COL21A1: variants seen among roughly 807,000 people sequenced by gnomAD.
COL21A1 encodes the protein collagen alpha-1(XXI) chain.
In COL21A1, 149 loss-of-function variants were observed where a neutral mutation model predicts 137.9. That is an observed-to-expected ratio of 1.08 (90% CI 0.95 to 1.24). The LOEUF (loss-of-function observed/expected upper bound fraction) is 1.24, where lower values mean the gene tolerates loss of function less well. Ranked by LOEUF, COL21A1 falls within the 50% of genes most tolerant of loss-of-function variation. The pLI is 0.00. For synonymous variants in COL21A1, 456 were observed against 391.5 expected (o/e 1.16, Z -1.95); for missense variants, 1,167 against 1,158.4 (o/e 1.01, Z -0.11).
At chr6:56,098,628 T>TATATATATAA (rs1770047664) in intron 17 of COL21A1, among the ~76,000 whole-genome samples, 1 of 33,140 alleles carries the variant, frequency 3.0e-5, no homozygotes, top group South Asian at 9.0e-4. Context: ...TATATATAAA[T>TATATATATAA]ATATATATAA....
intron 1 of COL21A1, among the ~76,000 whole-genome samples, chr6:56,381,567 C>T (rs1188439505): frequency 6.6e-6 from 1 of 152,222 alleles, no homozygotes; most frequent in Non-Finnish European, 1.5e-5. Flanking sequence ...TGCATGAAAG[C>T]TTTCACTATT....
intron 17 of COL21A1, chr6:56,078,275 T>C (rs76049205): frequency 0.076 from 34,137 of 451,872 alleles, 1,483 homozygotes; most frequent in Admixed American, 0.12. Flanking sequence ...AAGAGTTCTA[T>C]TGTCTGCCTT....
At chr6:56,254,232 A>G (rs1159647698) in intron 1 of COL21A1, among the ~76,000 whole-genome samples, 1 of 152,224 alleles carries the variant, frequency 6.6e-6, no homozygotes, top group African/African-American at 2.4e-5. Flanking sequence ...ATTTCCTATT[A>G]GGCTTCTTCT....
intron 1 of COL21A1, among the ~76,000 whole-genome samples, chr6:56,347,335 C>T (rs935739248): frequency 1.6e-4 from 24 of 151,978 alleles, no homozygotes; most frequent in Non-Finnish European, 5.9e-5. Context: ...ACCCCCTCAC[C>T]GGGATTCAAC....
rs143147705 is a variant in COL21A1 at position 56,377,756 on chromosome 6, T to C, written c.-39+16215A>G. Reference sequence around the variant, plus strand: ...CCAGCTGCGGCAACTAAGAGAGTACTGGAATCACCCTTCTCCTAATTCCAG... The same window carrying C: ...CCAGCTGCGGCAACTAAGAGAGTACCGGAATCACCCTTCTCCTAATTCCAG... On this transcript the variant is annotated intron_variant, in intron 1 of 28. Transcript: ENST00000370819. Among the ~76,000 whole-genome samples, 6 of 152,120 alleles carry C rather than the reference T, an allele frequency of 3.9e-5. 1 individual carries two copies. The East Asian group carries it at 1.2e-3, about 29-fold the overall frequency.
intron 1 of COL21A1, among the ~76,000 whole-genome samples, chr6:56,215,799 A>C (rs1000310830): frequency 6.6e-6 from 1 of 152,112 alleles, no homozygotes; most frequent in African/African-American, 2.4e-5. Context: ...CACGAGTGGA[A>C]AAACAAGTGA....
intron 1 of COL21A1, among the ~76,000 whole-genome samples, chr6:56,336,144 C>G: frequency 6.6e-6 from 1 of 152,194 alleles, no homozygotes; most frequent in Non-Finnish European, 1.5e-5. Flanking sequence ...TCAGCCTCAG[C>G]TGGGGACTTG....
At chr6:56,081,285 C>T (rs1767740762) in intron 17 of COL21A1, among the ~76,000 whole-genome samples, 1 of 150,784 alleles carries the variant, frequency 6.6e-6, no homozygotes, top group African/African-American at 2.4e-5. Context: ...CTTGCCTTTC[C>T]CTACTTGCAT....
intron 1 of COL21A1, among the ~76,000 whole-genome samples, chr6:56,377,933 C>T (rs1289263984): frequency 6.6e-6 from 1 of 152,152 alleles, no homozygotes; most frequent in Admixed American, 6.5e-5. Flanking sequence ...GTTCCAGGCC[C>T]TAGCTCCTGA....
chr6:56,162,820 T>C (rs1277196067), intron 9 of COL21A1, among the ~76,000 whole-genome samples: 2 of 152,240 alleles, frequency 1.3e-5, no homozygotes, highest in Non-Finnish European at 2.9e-5. Context: ...CCAGGTTATA[T>C]TCTCCCAGGA....
intron 18 of COL21A1, among the ~76,000 whole-genome samples, chr6:56,075,999 T>C (rs751984103): frequency 1.3e-5 from 2 of 151,284 alleles, no homozygotes; most frequent in African/African-American, 4.8e-5. Context: ...TGTGAGAGAG[T>C]GCTGGTCTTC....
chr6:56,275,669 A>C (rs1763626296), intron 1 of COL21A1, among the ~76,000 whole-genome samples: 1 of 152,154 alleles, frequency 6.6e-6, no homozygotes, highest in Non-Finnish European at 1.5e-5. Context: ...CTACAGTGAG[A>C]TAGATACCAT....
chr6:56,262,161 A>C, intron 1 of COL21A1, among the ~76,000 whole-genome samples: 1 of 152,166 alleles, frequency 6.6e-6, no homozygotes, highest in South Asian at 2.1e-4. Context: ...TGACATAGTC[A>C]CCATAAATGT....
At position 56,179,922 on chromosome 6, in the gene COL21A1, T is replaced by C. The variant is rs1777771772; in HGVS notation, c.296A>G (p.His99Arg). 1.9e-6 allele frequency: 3 copies of C among 1,613,824 alleles called. No individual in the cohort carries two copies. Among genetic ancestry groups the C allele is most frequent in the Non-Finnish European group, 2.5e-6 (3 of 1,179,876 alleles). Residue 99 changes from histidine to arginine, a missense_variant, in exon 3 of 30, where the codon CAT becomes CGT. Physicochemically the swap from His to Arg is conservative, Grantham distance 29. Transcript: ENST00000244728. The part of the protein sequence containing the change: ...IPLGSYDSGE[H>R]LTAAVESILY... ...TATGGATTCCACTGCTGCCGTCAAA[T>C]GTTCTCCTGAATCATAGCTTCCGAG...
intron 3 of COL21A1, among the ~76,000 whole-genome samples, chr6:56,176,614 A>AAAGAAAGT (rs1777489819): frequency 6.8e-6 from 1 of 146,170 alleles, no homozygotes; most frequent in African/African-American, 2.5e-5. Flanking sequence ...AGAAAGAAAG[A>AAAGAAAGT]AAGAGGAAGG....
chr6:56,164,567 C>A, intron 8 of COL21A1, 61 bp from the exon 9 acceptor site: 2 of 1,191,908 alleles, frequency 1.7e-6, no homozygotes. Context: ...TACATGCACA[C>A]GTATGTTTAT....
chr6:56,146,429 ATAAC>A (rs1774842843), intron 10 of COL21A1, among the ~76,000 whole-genome samples: 1 of 152,156 alleles, frequency 6.6e-6, no homozygotes, highest in Non-Finnish European at 1.5e-5. Context: ...CATTCTATGT[ATAAC>A]TAATATAGAA....
At chr6:56,067,232 T>G in intron 23 of COL21A1, 63 bp downstream of exon 23, 1 of 1,291,334 alleles carries the variant, frequency 7.7e-7, no homozygotes, top group Non-Finnish European at 1.1e-6. Context: ...AAAAGTAAAA[T>G]AAGAACTTTT....
chr6:56,372,118 G>C (rs979894736), intron 1 of COL21A1, among the ~76,000 whole-genome samples: 5 of 152,188 alleles, frequency 3.3e-5, no homozygotes, highest in African/African-American at 1.2e-4. Context: ...AACAGGGCCA[G>C]AGATATGCCA....
Sources: gnomAD v4.1 joint callset for allele counts (sites outside exome capture counted in the v4.1 genomes callset) on GRCh38, gnomAD v4.1.1 for gene constraint, MANE v1.5 for transcripts, NCBI Gene and HGNC (gene_info 2026-07-23, HGNC 2026-07-21) for gene names.